ROBO2: variants seen among roughly 807,000 people sequenced by gnomAD.
ROBO2 encodes the protein roundabout homolog 2.
ROBO2 carries 53 observed loss-of-function variants against 160.8 expected under a neutral mutation model. That is an observed-to-expected ratio of 0.33 (90% CI 0.26 to 0.41). The LOEUF (loss-of-function observed/expected upper bound fraction) is 0.41. ROBO2 is among the 10% of genes least tolerant of loss of function. The probability of loss-of-function intolerance (pLI) is 1.00; values close to 1 mark genes in which losing one functional copy is unlikely to be tolerated. For synonymous variants in ROBO2, 664 were observed against 611.7 expected, an observed-to-expected ratio of 1.09 and a Z score of -1.26; for missense variants, 1,577 against 1,722.4, an observed-to-expected ratio of 0.92 and a Z score of 1.49.
At position 76,128,740 on chromosome 3, in the gene ROBO2, A is replaced by G. The variant is rs559637567; in HGVS notation, c.109+191138A>G. On this transcript the variant is annotated intron_variant, in intron 2 of 26. Coordinates refer to the ROBO2 transcript ENST00000487694. ...AGCAAAACCTTCCTCAGTCATTGACAGTCAAAGAATATAAACTGCTGCTTT... is the reference window on the plus strand; with the variant it reads ...AGCAAAACCTTCCTCAGTCATTGACGGTCAAAGAATATAAACTGCTGCTTT... Among the ~76,000 whole-genome samples, 24 of 152,236 alleles carry G rather than the reference A, an allele frequency of 1.6e-4. No individual in the cohort carries two copies. The East Asian group carries it at 4.5e-3, about 28-fold the overall frequency.
chr3:77,005,481 C>G (rs541819318), intron 2 of ROBO2, among the ~76,000 whole-genome samples: 16 of 152,236 alleles, frequency 1.1e-4, no homozygotes, highest in African/African-American at 3.6e-4. Context: ...TTCTAATGCA[C>G]TAATTTCATT....
intron 2 of ROBO2, among the ~76,000 whole-genome samples, chr3:76,398,088 A>G (rs551642285): frequency 1.3e-5 from 2 of 152,246 alleles, no homozygotes; most frequent in Admixed American, 6.5e-5. Flanking sequence ...ATGTCCAACA[A>G]TGATAGACTG....
intron 2 of ROBO2, among the ~76,000 whole-genome samples, chr3:76,074,626 A>G (rs1357555065): frequency 2.6e-5 from 4 of 152,232 alleles, no homozygotes; most frequent in East Asian, 1.9e-4. Context: ...TTAAACTAAT[A>G]TTAAGTGAGA....
At chr3:77,305,826 G>A (rs1443305388) in intron 2 of ROBO2, among the ~76,000 whole-genome samples, 1 of 152,126 alleles carries the variant, frequency 6.6e-6, no homozygotes, top group Non-Finnish European at 1.5e-5. Context: ...TTCTCCAGAT[G>A]GAGTATGAAA....
intron 1 of ROBO2, among the ~76,000 whole-genome samples, chr3:75,937,045 C>G (rs1158196338): frequency 5.9e-5 from 9 of 151,964 alleles, no homozygotes; most frequent in Non-Finnish European, 1.2e-4. Flanking sequence ...GGTATTTATG[C>G]TAAACTTACA....
In ROBO2 at chr3:76,019,890, G is replaced by T. The variant is rs529027409; in HGVS notation, c.109+82288G>T. Among the ~76,000 whole-genome samples, 26 of 151,876 alleles carry T rather than the reference G, an allele frequency of 1.7e-4. No homozygotes were observed. The South Asian group carries it at 5.0e-3, about 29-fold the overall frequency. On this transcript the variant is annotated intron_variant, in intron 2 of 26. Transcript: ENST00000487694. ...TATTTGCATTATGGCCTCCCCACAT[G>T]GTTAGGTTTCCTTTAAAGCTCCATG...
chr3:77,278,891 G>A (rs1490983465), intron 2 of ROBO2, among the ~76,000 whole-genome samples: 3 of 152,116 alleles, frequency 2.0e-5, no homozygotes, highest in Admixed American at 6.6e-5. Context: ...AAAATTGGCT[G>A]TTTTGAAACT....
intron 2 of ROBO2, among the ~76,000 whole-genome samples, chr3:76,964,296 G>A (rs2079902621): frequency 6.6e-6 from 1 of 151,944 alleles, no homozygotes; most frequent in African/African-American, 2.4e-5. Flanking sequence ...ATCACCTTTT[G>A]GGTATCATCT....
At chr3:76,277,930 T>G (rs912662908) in intron 2 of ROBO2, among the ~76,000 whole-genome samples, 36 of 151,572 alleles carry the variant, frequency 2.4e-4, no homozygotes, top group African/African-American at 8.5e-4. Context: ...GTTTTTTGTT[T>G]TTTTTTTTTA....
intron 1 of ROBO2, among the ~76,000 whole-genome samples, chr3:75,907,216 A>C (rs1374380548): frequency 1.3e-5 from 2 of 152,156 alleles, no homozygotes; most frequent in Non-Finnish European, 2.9e-5. Context: ...CACGCGTTAT[A>C]TATGTGTTTC....
At chr3:76,386,567 C>T (rs1368564052) in intron 2 of ROBO2, among the ~76,000 whole-genome samples, 1 of 151,876 alleles carries the variant, frequency 6.6e-6, no homozygotes, top group African/African-American at 2.4e-5. Flanking sequence ...CCATTGTGTT[C>T]CCTTCTTCAA....
chr3:77,390,959 A>G (rs2074662965), intron 2 of ROBO2, among the ~76,000 whole-genome samples: 1 of 151,732 alleles, frequency 6.6e-6, no homozygotes, highest in Admixed American at 6.6e-5. Context: ...TGCCTTCTGG[A>G]TGTGTTTCAG....
chr3:76,288,502 A>G (rs1448848223), intron 2 of ROBO2, among the ~76,000 whole-genome samples: 1 of 150,690 alleles, frequency 6.6e-6, no homozygotes, highest in Non-Finnish European at 1.5e-5. Flanking sequence ...TTTCATTTCC[A>G]ACTTTTAGGT....
chr3:77,017,597 A>G (rs1414606465), intron 2 of ROBO2, among the ~76,000 whole-genome samples: 2 of 152,198 alleles, frequency 1.3e-5, no homozygotes, highest in Non-Finnish European at 2.9e-5. Context: ...TAGGGCTCTT[A>G]TGTAAATAAT....
In ROBO2 at chr3:76,485,972, A is replaced by T. The variant is rs114907182; in HGVS notation, c.109+548370A>T. On this transcript the variant is annotated intron_variant, in intron 2 of 26. Coordinates refer to the ROBO2 transcript ENST00000487694. ...AAAGAAAATGAAAGAATTATATGAGATGTCACTCATAAGGTTTGGTTTGCA... is the reference window on the plus strand; with the variant it reads ...AAAGAAAATGAAAGAATTATATGAGTTGTCACTCATAAGGTTTGGTTTGCA... Among the ~76,000 whole-genome samples the T allele has an allele frequency of 8.9e-3, 1,356 of 152,294 alleles. 18 individuals are homozygous for T. The highest frequency in any genetic ancestry group is 0.03 in the African/African-American group (1,254 of 41,560).
chr3:77,208,678 T>C (rs2083728563), intron 2 of ROBO2, among the ~76,000 whole-genome samples: 1 of 152,238 alleles, frequency 6.6e-6, no homozygotes, highest in African/African-American at 2.4e-5. Flanking sequence ...CTATAGATTA[T>C]GGTTCTATGC....
intron 2 of ROBO2, among the ~76,000 whole-genome samples, chr3:76,618,679 T>C (rs4550827): frequency 0.37 from 55,679 of 151,348 alleles, 10,778 homozygotes; most frequent in South Asian, 0.44. Context: ...AGCATTTCTC[T>C]TGTGTATTAG....
chr3:75,975,276 G>T (rs919153259), intron 2 of ROBO2, among the ~76,000 whole-genome samples: 2 of 151,356 alleles, frequency 1.3e-5, no homozygotes, highest in African/African-American at 2.4e-5. Context: ...TTAATAGTTT[G>T]TTGGCCTCTT....
intron 2 of ROBO2, among the ~76,000 whole-genome samples, chr3:76,853,833 A>AT (rs1329481306): frequency 6.6e-6 from 1 of 152,054 alleles, no homozygotes; most frequent in Admixed American, 6.6e-5. Flanking sequence ...TTAAAATTTT[A>AT]TTTTTTGTGT....
Sources: gnomAD v4.1 joint callset for allele counts (sites outside exome capture counted in the v4.1 genomes callset) on GRCh38, gnomAD v4.1.1 for gene constraint, MANE v1.5 for transcripts, NCBI Gene and HGNC (gene_info 2026-07-23, HGNC 2026-07-21) for gene names.